The following DGKI variants were observed in gnomAD, a reference collection of about 807,000 sequenced individuals.
DGKI encodes diacylglycerol kinase iota, also known as DAG kinase iota.
In DGKI, 55 loss-of-function variants were observed where a neutral mutation model predicts 147.5. That is an observed-to-expected ratio of 0.37 (90% CI 0.30 to 0.47). The LOEUF (loss-of-function observed/expected upper bound fraction) is 0.47, where lower values mean the gene tolerates loss of function less well. DGKI is among the 20% of genes least tolerant of loss of function. The pLI is 1.00. For missense variants in DGKI, 1,007 were observed against 1,323.8 expected (o/e 0.76, Z 3.71); for synonymous variants, 469 against 477.1 (o/e 0.98, Z 0.22).
At chr7:137,810,208 T>C (rs990658429) in intron 1 of DGKI, among the ~76,000 whole-genome samples, 4 of 152,158 alleles carry the variant, frequency 2.6e-5, no homozygotes, top group Admixed American at 2.6e-4. Context: ...TTGACAACAA[T>C]AAGTTCAGGG....
At chr7:137,470,880 T>C (rs763987229) in intron 23 of DGKI, among the ~76,000 whole-genome samples, 1 of 152,100 alleles carries the variant, frequency 6.6e-6, no homozygotes, top group Non-Finnish European at 1.5e-5. Context: ...TTCCAAGAGA[T>C]TGCCAGGACT....
At chr7:137,534,275 GA>G in intron 20 of DGKI, among the ~76,000 whole-genome samples, 1 of 151,968 alleles carries the variant, frequency 6.6e-6, no homozygotes, top group East Asian at 1.9e-4. Flanking sequence ...TTTCCTTCCT[GA>G]ATGCAGTAAA....
intron 1 of DGKI, among the ~76,000 whole-genome samples, chr7:137,730,731 T>C (rs115929265): frequency 1.5e-3 from 222 of 152,196 alleles, no homozygotes; most frequent in African/African-American, 5.2e-3. Context: ...AAAATGTCCT[T>C]GTGTCCCTTT....
At chr7:137,638,574 A>ATATG (rs1821471766) in intron 6 of DGKI, among the ~76,000 whole-genome samples, 1 of 27,498 alleles carries the variant, frequency 3.6e-5, no homozygotes, top group African/African-American at 1.1e-4. Context: ...ACACACATAT[A>ATATG]TGTATATATA....
intron 10 of DGKI, among the ~76,000 whole-genome samples, chr7:137,604,788 T>A (rs953528691): frequency 6.6e-6 from 1 of 152,032 alleles, no homozygotes; most frequent in Admixed American, 6.6e-5. Flanking sequence ...GGAGAGACAG[T>A]GTGAAAGCAG....
chr7:137,537,185 C>A (rs1322397315), intron 20 of DGKI, among the ~76,000 whole-genome samples: 2 of 151,964 alleles, frequency 1.3e-5, no homozygotes, highest in African/African-American at 4.8e-5. Context: ...AATTCAGGAG[C>A]CAAGGGAGAG....
chr7:137,414,684 A>G (rs1048079138), intron 28 of DGKI, among the ~76,000 whole-genome samples: 1 of 152,176 alleles, frequency 6.6e-6, no homozygotes, highest in Admixed American at 6.5e-5. Context: ...GCCTGTGTCC[A>G]GTGCCCCCAT....
chr7:137,631,398 G>A (rs1821117172), intron 6 of DGKI, among the ~76,000 whole-genome samples: 1 of 152,166 alleles, frequency 6.6e-6, no homozygotes, highest in Admixed American at 6.5e-5. Context: ...TCACTTTGGG[G>A]TTTTACTACA....
intron 28 of DGKI, among the ~76,000 whole-genome samples, chr7:137,440,066 A>G (rs1035563485): frequency 6.6e-6 from 1 of 152,314 alleles, no homozygotes; most frequent in Admixed American, 6.5e-5. Flanking sequence ...AAGGTGACAG[A>G]AAGGAAGATG....
intron 20 of DGKI, among the ~76,000 whole-genome samples, chr7:137,543,177 T>C (rs1219382757): frequency 6.6e-6 from 1 of 152,218 alleles, no homozygotes; most frequent in Admixed American, 6.5e-5. Flanking sequence ...TGACTAGTCA[T>C]GATTTATGAA....
intron 19 of DGKI, among the ~76,000 whole-genome samples, chr7:137,554,448 G>C (rs2692007): frequency 0.11 from 16,599 of 152,086 alleles, 2,050 homozygotes; most frequent in African/African-American, 0.3. Context: ...GAGAACGTCA[G>C]ATATTGCTTT....
intron 25 of DGKI, 117 bp from the exon 26 acceptor site, chr7:137,466,152 G>T: frequency 7.8e-7 from 1 of 1,281,800 alleles, no homozygotes; most frequent in Non-Finnish European, 1.1e-6. Flanking sequence ...TCAGAAGCTT[G>T]ATCAGTTGGT....
chr7:137,585,422 G>A (rs1819356866), intron 13 of DGKI, 76 bp from the exon 14 acceptor site: 1 of 1,521,226 alleles, frequency 6.6e-7, no homozygotes, highest in African/African-American at 1.4e-5. Flanking sequence ...ACGCAAGGAA[G>A]AGCCAAGCCG....
chr7:137,486,944 C>G (rs1428692984), intron 22 of DGKI, among the ~76,000 whole-genome samples: 1 of 152,064 alleles, frequency 6.6e-6, no homozygotes, highest in East Asian at 1.9e-4. Flanking sequence ...GTCATATATG[C>G]TTTTTGCAAT....
Position 137,673,207 on chromosome 7 carries a change from T to C in DGKI, c.606+5350A>G, listed in dbSNP as rs149178485. Among the ~76,000 whole-genome samples the C allele has an allele frequency of 6.0e-3, 918 of 152,316 alleles. 13 individuals are homozygous for C. The highest frequency in any genetic ancestry group is 8.0e-3 in the Admixed American group (123 of 15,306). On this transcript the variant is annotated intron_variant, in intron 3 of 32. Coordinates refer to ENST00000614521, the MANE Select transcript of DGKI (RefSeq NM_001321708.2). ...CAAATCAAGTTACATTCTGAGGTAC[T>C]GAAGTCCTGAGGCGTCAGGACTTCG... is the stretch of plus-strand genomic sequence containing the variant.
chr7:137,666,354 G>T (rs1277396630), intron 3 of DGKI, among the ~76,000 whole-genome samples: 1 of 152,144 alleles, frequency 6.6e-6, no homozygotes, highest in Non-Finnish European at 1.5e-5. Flanking sequence ...AGTGAGCCAG[G>T]ATCACATCGC....
chr7:137,783,350 T>C (rs1379991450), intron 1 of DGKI, among the ~76,000 whole-genome samples: 2 of 152,010 alleles, frequency 1.3e-5, no homozygotes, highest in East Asian at 1.9e-4. Flanking sequence ...GTCTCAGCAA[T>C]AGAATCAAAC....
chr7:137,407,081 C>G (rs1302067515), intron 30 of DGKI, among the ~76,000 whole-genome samples: 1 of 152,174 alleles, frequency 6.6e-6, no homozygotes, highest in Non-Finnish European at 1.5e-5. Context: ...ATACCAAGAT[C>G]CAGCAGAATT....
intron 1 of DGKI, among the ~76,000 whole-genome samples, chr7:137,761,402 C>A (rs143529575): frequency 6.6e-6 from 1 of 152,162 alleles, no homozygotes; most frequent in Admixed American, 6.5e-5. Flanking sequence ...GTTTCCTTGA[C>A]GTAAATAGCA....
Sources: allele counts gnomAD v4.1 joint callset (sites outside exome capture counted in the v4.1 genomes callset), GRCh38; gene constraint gnomAD v4.1.1; transcripts MANE v1.5; gene names NCBI Gene and HGNC (gene_info 2026-07-23, HGNC 2026-07-21).